DSE: variants seen among roughly 807,000 people sequenced by gnomAD.
The protein encoded by DSE is dermatan sulfate epimerase, also known as dermatan-sulfate epimerase.
DSE carries 36 observed loss-of-function variants against 84.4 expected under a neutral mutation model. The observed-to-expected ratio is 0.43, with a 90% CI of 0.33 to 0.56. The LOEUF (loss-of-function observed/expected upper bound fraction) is 0.56, where lower values mean the gene tolerates loss of function less well. Ranked by LOEUF, DSE falls within the 20% of genes least tolerant of loss-of-function variation. The pLI is 0.06. For missense variants in DSE, 862 were observed against 1,169.6 expected (o/e 0.74, Z 3.84); for synonymous variants, 410 against 430.1 (o/e 0.95, Z 0.58).
At chr6:116,422,441 A>G (rs1783155158) in intron 2 of DSE, among the ~76,000 whole-genome samples, 1 of 152,226 alleles carries the variant, frequency 6.6e-6, no homozygotes, top group Non-Finnish European at 1.5e-5. Context: ...AGATAACTAT[A>G]ATTTGTCAGT....
rs1464856064 is a variant in DSE at position 116,442,737 on chromosome 6, C to T, written c.*5392C>T. On this transcript the variant is annotated 3_prime_UTR_variant, in exon 6 of 6. Transcript: ENST00000644252. Reference sequence around the variant, plus strand: ...GACTTTATTCTGCCATGAGGCTGCTCAACCATTTTTATGCCTCAGCATAAC... The same window carrying T: ...GACTTTATTCTGCCATGAGGCTGCTTAACCATTTTTATGCCTCAGCATAAC... 1 of 152,134 alleles carries T rather than the reference C, an allele frequency of 6.6e-6. No individual in the cohort carries two copies. Among genetic ancestry groups the T allele is most frequent in the East Asian group, 1.9e-4 (1 of 5,182 alleles). The allele number at this position is 152,134 out of a possible 1,614,324, so 9.4% of individuals were successfully genotyped here.
At chr6:116,345,552 GA>G (rs1777903535) in intron 2 of DSE, among the ~76,000 whole-genome samples, 1 of 152,102 alleles carries the variant, frequency 6.6e-6, no homozygotes, top group African/African-American at 2.4e-5. Context: ...CAGAAATAAA[GA>G]TGTTCTTTGA....
chr6:116,306,285 T>G (rs1322021447), intron 2 of DSE, among the ~76,000 whole-genome samples: 1 of 152,216 alleles, frequency 6.6e-6, no homozygotes, highest in Non-Finnish European at 1.5e-5. Flanking sequence ...TGAACTTATG[T>G]AACTGTTATC....
At chr6:116,344,217 A>G (rs908432197) in intron 2 of DSE, among the ~76,000 whole-genome samples, 2 of 152,240 alleles carry the variant, frequency 1.3e-5, no homozygotes, top group African/African-American at 4.8e-5. Context: ...TCTTCAGGAT[A>G]TTATCCAGGA....
At position 116,442,205 on chromosome 6, in the gene DSE, T is replaced by G. The variant is rs1435104600; in HGVS notation, c.*4860T>G. The G allele has an allele frequency of 6.6e-6, 1 of 152,288 alleles. No individual in the cohort carries two copies. The highest frequency in any genetic ancestry group is 1.5e-5 in the Non-Finnish European group (1 of 68,208). 9.4% of individuals were successfully genotyped at this position (152,288 alleles called of 1,614,324 possible). On this transcript the variant is annotated 3_prime_UTR_variant, in exon 6 of 6. Transcript: ENST00000644252. ...GGTGTATTTAGGACTAGGAGGCCAG[T>G]GTGGCTAGAGCAGAGTGGGGGAGGG... is the stretch of plus-strand genomic sequence containing the variant.
chr6:116,258,491 AAT>A, exon 2 of DSE: 1 of 1,097,580 alleles, frequency 9.1e-7, no homozygotes, highest in African/African-American at 1.5e-5. Context: ...CAGCTGGGAA[AAT>A]CAGCGGTTGG....
intron 2 of DSE, chr6:116,288,502 T>A (rs1774074939): frequency 6.6e-6 from 1 of 152,106 alleles, no homozygotes; most frequent in African/African-American, 2.4e-5. Flanking sequence ...GGGTGAGCAT[T>A]GAATAGCTTG....
chr6:116,403,712 G>A (rs1781743690), intron 2 of DSE, among the ~76,000 whole-genome samples: 1 of 152,172 alleles, frequency 6.6e-6, no homozygotes, highest in Admixed American at 6.5e-5. Flanking sequence ...CAATATTGAA[G>A]TTTACAGTGA....
At chr6:116,371,486 C>T (rs1253731693) in intron 1 of DSE, among the ~76,000 whole-genome samples, 1 of 152,238 alleles carries the variant, frequency 6.6e-6, no homozygotes, top group Non-Finnish European at 1.5e-5. Flanking sequence ...CCTCGACGGT[C>T]CTTGGGGCCT....
intron 2 of DSE, chr6:116,423,294 C>T (rs1161950375): frequency 6.6e-6 from 1 of 152,094 alleles, no homozygotes; most frequent in East Asian, 1.9e-4. Flanking sequence ...AAATTGCTGT[C>T]ATGATATAGT....
Position 116,443,209 on chromosome 6 carries a change from G to A in DSE, c.*5864G>A, listed in dbSNP as rs1784480947. On this transcript the variant is annotated 3_prime_UTR_variant, in exon 6 of 6. Transcript: ENST00000644252. ...AACTCCTAGCCCACAGGCAAAATGT[G>A]TGGCCAAAGGAATGAATATTTTGTG... is the stretch of plus-strand genomic sequence containing the variant. The A allele has an allele frequency of 6.6e-6, 1 of 152,226 alleles. No individual in the cohort carries two copies. The highest frequency in any genetic ancestry group is 6.5e-5 in the Admixed American group (1 of 15,280). 9.4% of individuals were successfully genotyped at this position (152,226 alleles called of 1,614,324 possible). A position where few individuals can be genotyped will look rare whatever the true frequency, so the allele number is the denominator to read the frequency against.
chr6:116,405,760 A>G (rs570570116), intron 2 of DSE, among the ~76,000 whole-genome samples: 1 of 152,340 alleles, frequency 6.6e-6, no homozygotes, highest in South Asian at 2.1e-4. Flanking sequence ...ATTCTTGGGC[A>G]GGAATCAAGG....
At chr6:116,278,856 AAAG>A (rs770305959) in intron 2 of DSE, 1 of 1,614,104 alleles carries the variant, frequency 6.2e-7, no homozygotes. Context: ...GGTTTCTTCT[AAAG>A]AAGAACTTGA....
intron 2 of DSE, among the ~76,000 whole-genome samples, chr6:116,303,018 C>T (rs1028791847): frequency 6.6e-6 from 1 of 152,172 alleles, no homozygotes; most frequent in African/African-American, 2.4e-5. Context: ...TGTTTTGGTA[C>T]CTGTACCATG....
intron 2 of DSE, among the ~76,000 whole-genome samples, chr6:116,409,200 G>C (rs57505987): frequency 0.036 from 5,538 of 152,254 alleles, 336 homozygotes; most frequent in African/African-American, 0.13. Context: ...CTTATAAATT[G>C]ATGCCAAAGG....
At chr6:116,319,414 A>C (rs1776171674) in intron 2 of DSE, among the ~76,000 whole-genome samples, 1 of 152,212 alleles carries the variant, frequency 6.6e-6, no homozygotes, top group East Asian at 1.9e-4. Context: ...CAAGTTTACC[A>C]ATTATTGTGC....
At chr6:116,424,139 A>G (rs1783274193) in intron 2 of DSE, among the ~76,000 whole-genome samples, 1 of 152,204 alleles carries the variant, frequency 6.6e-6, no homozygotes, top group South Asian at 2.1e-4. Flanking sequence ...GCATCATGAC[A>G]TGGTACAATG....
At position 116,276,399 on chromosome 6, in the gene DSE, C is replaced by T. The variant is rs150546088; in HGVS notation, c.-54+17432C>T. Among the ~76,000 whole-genome samples the T allele has an allele frequency of 3.4e-4, 52 of 152,204 alleles. 1 individual carries two copies. In the East Asian group the frequency reaches 8.1e-3, roughly 24 times the overall value. On this transcript the variant is annotated intron_variant, in intron 2 of 3. Transcript: ENST00000430252. The stretch of plus-strand genomic sequence containing the variant: ...AGGGGAGGTTGTGCTGCATAAACTA[C>T]ATGGAAAAAAGTGATTGAGTAAGCA...
upstream of DSE, among the ~76,000 whole-genome samples, chr6:116,368,850 G>A (rs1445033958): frequency 7.1e-6 from 1 of 140,920 alleles, no homozygotes; most frequent in Non-Finnish European, 1.5e-5. Context: ...ATTCTCCTGT[G>A]GAATCAAGGC....
Sources: allele counts gnomAD v4.1 joint callset (sites outside exome capture counted in the v4.1 genomes callset), GRCh38; gene constraint gnomAD v4.1.1; transcripts MANE v1.5; gene names NCBI Gene and HGNC (gene_info 2026-07-23, HGNC 2026-07-21).